The following COX10 variants were observed in gnomAD, a reference collection of about 807,000 sequenced individuals.
COX10 encodes the protein protoheme IX farnesyltransferase, mitochondrial.
A neutral mutation model predicts 37.3 loss-of-function variants in COX10; 27 were observed. The observed-to-expected ratio is 0.72, with a 90% CI of 0.53 to 1.00. The LOEUF (loss-of-function observed/expected upper bound fraction) is 1.00, where lower values mean the gene tolerates loss of function less well. COX10 is among the 50% of genes least tolerant of loss of function. The pLI is 0.00. For synonymous variants in COX10, 222 were observed against 229.1 expected, an observed-to-expected ratio of 0.97 and a Z score of 0.28; for missense variants, 475 against 563.2, an observed-to-expected ratio of 0.84 and a Z score of 1.59.
chr17:14,122,257 T>C (rs1386653427), intron 4 of COX10, among the ~76,000 whole-genome samples: 1 of 152,130 alleles, frequency 6.6e-6, no homozygotes, highest in African/African-American at 2.4e-5. Context: ...ACTTTATCAG[T>C]AAACAAAGAG....
chr17:14,080,621 T>A (rs1453823210), intron 3 of COX10, among the ~76,000 whole-genome samples: 1 of 152,242 alleles, frequency 6.6e-6, no homozygotes, highest in Non-Finnish European at 1.5e-5. Flanking sequence ...TTTTCATTAT[T>A]TACATTTTGG....
At chr17:14,198,145 A>T (rs868211866) in intron 6 of COX10, among the ~76,000 whole-genome samples, 2 of 152,172 alleles carry the variant, frequency 1.3e-5, no homozygotes, top group Non-Finnish European at 2.9e-5. Flanking sequence ...TTCTGCACAC[A>T]GGGAATGGCA....
At chr17:14,184,452 C>T (rs1332716667) in intron 5 of COX10, among the ~76,000 whole-genome samples, 1 of 152,186 alleles carries the variant, frequency 6.6e-6, no homozygotes, top group Non-Finnish European at 1.5e-5. Context: ...AAAATCCCAA[C>T]AGATGGAATA....
intron 4 of COX10, among the ~76,000 whole-genome samples, chr17:14,109,365 A>G (rs973317710): frequency 2.0e-5 from 3 of 152,186 alleles, no homozygotes; most frequent in Admixed American, 6.6e-5. Context: ...CCTTTCCAGA[A>G]TGATCCATCT....
At chr17:14,193,544 T>C (rs2142264183) in intron 6 of COX10, among the ~76,000 whole-genome samples, 1 of 148,966 alleles carries the variant, frequency 6.7e-6, no homozygotes, top group South Asian at 2.3e-4. Context: ...TTTTGAAGAC[T>C]GAGGCGCCTG....
intron 3 of COX10, among the ~76,000 whole-genome samples, chr17:14,088,095 C>T (rs1372653621): frequency 1.3e-5 from 2 of 152,126 alleles, no homozygotes; most frequent in African/African-American, 4.8e-5. Flanking sequence ...TGGCTTCTGT[C>T]CTTGCTCCTT....
chr17:14,071,405 T>C (rs1365033414), intron 1 of COX10, among the ~76,000 whole-genome samples: 1 of 152,136 alleles, frequency 6.6e-6, no homozygotes, highest in African/African-American at 2.4e-5. Context: ...CCAAAAACTC[T>C]GCTAGTAAGT....
Position 14,074,198 on chromosome 17 carries a change from C to T in COX10, c.44-125C>T. 4.1e-6 allele frequency: 4 copies of T among 984,478 alleles called. No individual in the cohort carries two copies. In the South Asian group the frequency reaches 4.1e-5, roughly 10 times the overall value. The allele number at this position is 984,478 out of a possible 1,614,324, so 61.0% of individuals were successfully genotyped here. ...AAATCTGGATTAGATTATTTCAAAG[C>T]TCTGACCCATCACACAGTGTAGCGC... On this transcript the variant is annotated intron_variant, in intron 1 of 6. Coordinates refer to ENST00000261643, the MANE Select transcript of COX10 (RefSeq NM_001303.4).
chr17:14,104,501 T>G (rs1915850191), intron 4 of COX10, among the ~76,000 whole-genome samples: 2 of 152,100 alleles, frequency 1.3e-5, no homozygotes, highest in South Asian at 4.1e-4. Flanking sequence ...TTTACTATAC[T>G]TTTTTTAGAG....
At chr17:14,179,090 A>G (rs1905775531) in intron 5 of COX10, 1 of 177,048 alleles carries the variant, frequency 5.6e-6, no homozygotes. Flanking sequence ...TCTGTGTGTT[A>G]TAATTAAAGC....
chr17:14,091,304 G>A (rs1237704552), intron 3 of COX10, among the ~76,000 whole-genome samples: 1 of 152,190 alleles, frequency 6.6e-6, no homozygotes, highest in South Asian at 2.1e-4. Context: ...GATCTGCAAA[G>A]ACTTTGCTTT....
chr17:14,146,481 T>C (rs1904723913), intron 4 of COX10, among the ~76,000 whole-genome samples: 1 of 152,112 alleles, frequency 6.6e-6, no homozygotes, highest in African/African-American at 2.4e-5. Context: ...TCTCTTGCCA[T>C]AAACAAAAAT....
At chr17:14,203,734 A>T (rs907856612) in intron 6 of COX10, among the ~76,000 whole-genome samples, 2 of 152,190 alleles carry the variant, frequency 1.3e-5, no homozygotes, top group Non-Finnish European at 2.9e-5. Flanking sequence ...ATTCTGCATT[A>T]TGTAAAGTGC....
chr17:14,077,391 G>T, intron 3 of COX10: 1 of 302,024 alleles, frequency 3.3e-6, no homozygotes, highest in Non-Finnish European at 6.3e-6. Flanking sequence ...GTCAACTTGA[G>T]TTCTGGAATG....
chr17:14,079,788 C>T (rs1175874160), intron 3 of COX10, among the ~76,000 whole-genome samples: 1 of 151,842 alleles, frequency 6.6e-6, no homozygotes, highest in African/African-American at 2.4e-5. Context: ...TATATAGACA[C>T]ATATGCAGAT....
chr17:14,134,438 C>G (rs191027756), intron 4 of COX10, among the ~76,000 whole-genome samples: 1 of 151,626 alleles, frequency 6.6e-6, no homozygotes, highest in Admixed American at 6.6e-5. Context: ...TGAGTTCTTA[C>G]AAGTATTTTA....
At chr17:14,176,703 C>T (rs1905703212) in intron 5 of COX10, among the ~76,000 whole-genome samples, 1 of 151,812 alleles carries the variant, frequency 6.6e-6, no homozygotes, top group Non-Finnish European at 1.5e-5. Context: ...TAGGGCTGAC[C>T]TAAATAAACT....
chr17:14,100,060 AT>A, intron 3 of COX10, among the ~76,000 whole-genome samples: 1 of 152,008 alleles, frequency 6.6e-6, no homozygotes, highest in South Asian at 2.1e-4. Context: ...AAAATATCCC[AT>A]TTTTACAACC....
chr17:14,196,305 G>C (rs2142265953), intron 6 of COX10, among the ~76,000 whole-genome samples: 1 of 152,300 alleles, frequency 6.6e-6, no homozygotes, highest in South Asian at 2.1e-4. Context: ...TCAAATGATT[G>C]AGTGATCTAA....
Sources: gnomAD v4.1 joint callset for allele counts (sites outside exome capture counted in the v4.1 genomes callset) on GRCh38, gnomAD v4.1.1 for gene constraint, MANE v1.5 for transcripts, NCBI Gene and HGNC (gene_info 2026-07-23, HGNC 2026-07-21) for gene names.